Variants in PDSS2 observed in about 807,000 individuals in gnomAD.
PDSS2 encodes decaprenyl diphosphate synthase subunit 2.
In PDSS2, 31 loss-of-function variants were observed where a neutral mutation model predicts 44.5. That is an observed-to-expected ratio of 0.70 (90% confidence interval 0.52 to 0.94). The LOEUF (loss-of-function observed/expected upper bound fraction) is 0.94. Ranked by LOEUF, PDSS2 falls within the 40% of genes least tolerant of loss-of-function variation. The pLI is 0.00. For missense variants in PDSS2, 452 were observed against 482.2 expected (o/e 0.94, Z 0.59); for synonymous variants, 157 against 180.3 (o/e 0.87, Z 1.03).
At chr6:107,158,205 A>C (rs1434802447) in intron 7 of PDSS2, among the ~76,000 whole-genome samples, 1 of 137,674 alleles carries the variant, frequency 7.3e-6, no homozygotes, top group Non-Finnish European at 1.5e-5. Flanking sequence ...TTTTTTTTCG[A>C]GACAGAGTCT....
intron 4 of PDSS2, among the ~76,000 whole-genome samples, chr6:107,217,182 T>C (rs987727385): frequency 1.3e-5 from 2 of 152,170 alleles, no homozygotes; most frequent in African/African-American, 2.4e-5. Context: ...CTCCCTGAGG[T>C]AGGCTAACAA....
Position 107,177,449 on chromosome 6 carries a change from T to C in PDSS2, c.1041+16373A>G, listed in dbSNP as rs188861408. On this transcript the variant is annotated intron_variant, in intron 7 of 7. Coordinates refer to ENST00000369037, the MANE Select transcript of PDSS2 (RefSeq NM_020381.4). ...ACCATGCGCAGCCTGTAATTCTTAA[T>C]TTATAAACTTGCATCAACATTTGAT... Among the ~76,000 whole-genome samples the C allele has an allele frequency of 1.4e-3, 218 of 152,322 alleles. 1 individual carries two copies. The highest frequency in any genetic ancestry group is 4.2e-3 in the African/African-American group (175 of 41,564).
At chr6:107,225,159 A>T (rs6919679) in intron 4 of PDSS2, among the ~76,000 whole-genome samples, 12 of 46,598 alleles carry the variant, frequency 2.6e-4, no homozygotes, top group African/African-American at 1.3e-3. Context: ...ATATATATAT[A>T]TATTTTTTTT....
chr6:107,421,455 G>T (rs975625390), intron 1 of PDSS2, among the ~76,000 whole-genome samples: 4 of 152,002 alleles, frequency 2.6e-5, no homozygotes, highest in Non-Finnish European at 5.9e-5. Flanking sequence ...ATGGTAAATG[G>T]ATATATAAAC....
intron 1 of PDSS2, among the ~76,000 whole-genome samples, chr6:107,343,071 C>T (rs190140640): frequency 1.9e-3 from 290 of 152,238 alleles, no homozygotes; most frequent in East Asian, 7.9e-3. Context: ...TCGCCTTGGC[C>T]TTCCAAAGTG....
chr6:107,209,000 A>G (rs1186567132), intron 6 of PDSS2, among the ~76,000 whole-genome samples: 1 of 152,026 alleles, frequency 6.6e-6, no homozygotes, highest in Non-Finnish European at 1.5e-5. Context: ...TCTTCTGATT[A>G]AAAAATTCTG....
chr6:107,237,621 C>T (rs1016916942), intron 4 of PDSS2, among the ~76,000 whole-genome samples: 1 of 151,008 alleles, frequency 6.6e-6, no homozygotes, highest in Non-Finnish European at 1.5e-5. Flanking sequence ...AACAAATGGG[C>T]CAGGCACAGT....
intron 5 of PDSS2, among the ~76,000 whole-genome samples, chr6:107,211,396 AT>A (rs1227772245): frequency 6.6e-6 from 1 of 152,114 alleles, no homozygotes; most frequent in African/African-American, 2.4e-5. Context: ...TATTCACTAT[AT>A]TTCTGAATTT....
chr6:107,208,712 C>T (rs1194869886), intron 6 of PDSS2, among the ~76,000 whole-genome samples: 1 of 151,168 alleles, frequency 6.6e-6, no homozygotes, highest in Non-Finnish European at 1.5e-5. Flanking sequence ...AGGTGTGCAC[C>T]ACCACGCCCA....
Position 107,258,596 on chromosome 6 carries a change from G to C in PDSS2, c.631-12977C>G, listed in dbSNP as rs183464012. Among the ~76,000 whole-genome samples, 164 of 152,324 alleles carry C rather than the reference G, an allele frequency of 1.1e-3. 1 individual carries two copies. Among genetic ancestry groups the C allele is most frequent in the Middle Eastern group, 3.4e-3 (1 of 294 alleles). ...GCAGGCAGATCACCTGAGGTCAGGAGTTCAAGACCAGCCATAGCCAACATG... is the reference window on the plus strand; with the variant it reads ...GCAGGCAGATCACCTGAGGTCAGGACTTCAAGACCAGCCATAGCCAACATG... On this transcript the variant is annotated intron_variant, in intron 3 of 7. Coordinates refer to ENST00000369037, the MANE Select transcript of PDSS2 (RefSeq NM_020381.4).
intron 2 of PDSS2, among the ~76,000 whole-genome samples, chr6:107,332,233 T>C (rs897114309): frequency 3.3e-5 from 5 of 152,040 alleles, no homozygotes; most frequent in Admixed American, 6.6e-5. Context: ...GCCTCCTGAA[T>C]AGCTGGGACT....
intron 1 of PDSS2, among the ~76,000 whole-genome samples, chr6:107,342,009 G>T (rs1778096293): frequency 6.6e-6 from 1 of 152,036 alleles, no homozygotes; most frequent in Admixed American, 6.6e-5. Flanking sequence ...ATTAGTAACA[G>T]AGGTGCCAAA....
intron 7 of PDSS2, among the ~76,000 whole-genome samples, chr6:107,188,467 C>T (rs1450087629): frequency 6.6e-6 from 1 of 151,998 alleles, no homozygotes; most frequent in Non-Finnish European, 1.5e-5. Flanking sequence ...ATGTCTCCTC[C>T]CAGATTTAGA....
chr6:107,341,548 A>G (rs1214548418), intron 1 of PDSS2, among the ~76,000 whole-genome samples: 2 of 152,202 alleles, frequency 1.3e-5, no homozygotes, highest in African/African-American at 4.8e-5. Flanking sequence ...AGAGAAAAGA[A>G]AAGAAGAGAA....
chr6:107,369,076 A>G (rs552801660), intron 1 of PDSS2, among the ~76,000 whole-genome samples: 6 of 152,362 alleles, frequency 3.9e-5, no homozygotes, highest in Non-Finnish European at 8.8e-5. Context: ...AAAAAGGGTC[A>G]TATCAACCAA....
chr6:107,201,703 C>T (rs1321939800), intron 6 of PDSS2, among the ~76,000 whole-genome samples: 1 of 152,108 alleles, frequency 6.6e-6, no homozygotes, highest in African/African-American at 2.4e-5. Flanking sequence ...GCAGGGAGTC[C>T]AGAAATTGCT....
intron 7 of PDSS2, among the ~76,000 whole-genome samples, chr6:107,155,436 C>T (rs767470999): frequency 4.9e-4 from 75 of 151,572 alleles, no homozygotes; most frequent in African/African-American, 1.5e-3. Flanking sequence ...TGTGAGCCAC[C>T]GCACCTGGCC....
At chr6:107,329,785 A>T (rs1294988475) in intron 2 of PDSS2, among the ~76,000 whole-genome samples, 2 of 152,078 alleles carry the variant, frequency 1.3e-5, no homozygotes, top group African/African-American at 4.8e-5. Context: ...GTGCCTATTA[A>T]TTACAATGTT....
intron 2 of PDSS2, among the ~76,000 whole-genome samples, chr6:107,294,675 A>G (rs1159833391): frequency 6.6e-6 from 1 of 152,194 alleles, no homozygotes; most frequent in Admixed American, 6.5e-5. Context: ...ATCTCATTTA[A>G]TCTTCACCAA....
Sources: allele counts gnomAD v4.1 joint callset (sites outside exome capture counted in the v4.1 genomes callset), GRCh38; gene constraint gnomAD v4.1.1; transcripts MANE v1.5; gene names NCBI Gene and HGNC (gene_info 2026-07-23, HGNC 2026-07-21).